The following SIPA1L1 variants were observed in gnomAD, a reference collection of about 807,000 sequenced individuals.
The protein encoded by SIPA1L1 is signal-induced proliferation-associated 1-like protein 1.
A neutral mutation model predicts 162.7 loss-of-function variants in SIPA1L1; 26 were observed. That is an observed-to-expected ratio of 0.16 (90% confidence interval 0.12 to 0.22). SIPA1L1 has a LOEUF of 0.22. Ranked by LOEUF, SIPA1L1 falls within the 10% of genes least tolerant of loss-of-function variation. SIPA1L1 has a pLI of 1.00. For missense variants in SIPA1L1, 1,874 were observed against 2,241.0 expected, an observed-to-expected ratio of 0.84 and a Z score of 3.31; for synonymous variants, 829 against 837.4, an observed-to-expected ratio of 0.99 and a Z score of 0.17.
At chr14:71,438,392 C>T (rs1456906345) in intron 2 of SIPA1L1, among the ~76,000 whole-genome samples, 1 of 152,118 alleles carries the variant, frequency 6.6e-6, no homozygotes, top group African/African-American at 2.4e-5. Context: ...GCTCTTGTTC[C>T]CACTCCTGAC....
At chr14:71,434,563 A>C (rs555551255) in intron 2 of SIPA1L1, among the ~76,000 whole-genome samples, 1 of 152,116 alleles carries the variant, frequency 6.6e-6, no homozygotes, top group Non-Finnish European at 1.5e-5. Flanking sequence ...GCCACATTTC[A>C]TTTATACGTA....
rs141999588 is a variant in SIPA1L1, at chr14:71,542,665, C to CCCT, written c.-303+13311_-303+13313dup. Among the ~76,000 whole-genome samples, 58 of 101,016 alleles carry CCCT rather than the reference C, an allele frequency of 5.7e-4. 1 individual carries two copies. Among genetic ancestry groups the CCCT allele is most frequent in the African/African-American group, 1.2e-3 (34 of 27,682 alleles). The allele number at this position is 101,016 out of a possible 152,430, so 66.3% of individuals were successfully genotyped here. A position where few individuals can be genotyped will look rare whatever the true frequency, so the allele number is the denominator to read the frequency against. ...ACTTCTTTCTTCCCCTCCTCCTCCT[C>CCCT]CCTCCTCCTCCTCCTCCTTCCTTCT... On this transcript the variant is annotated intron_variant, in intron 4 of 23. Transcript: ENST00000381232.
rs1428777495 is a variant in SIPA1L1, at chr14:71,698,991, G to T, written c.3385G>T (p.Gly1129Cys). 5.6e-6 allele frequency: 9 copies of T among 1,614,082 alleles called. No individual in the cohort carries two copies. The African/African-American group carries it at 1.1e-4, about 19-fold the overall frequency. Reference sequence around the variant, plus strand: ...GTATTGCACATGCAGGCTGTCTCCTGGTTCGGACATCTATGTGACGGTCTC... The same window carrying T: ...GTATTGCACATGCAGGCTGTCTCCTTGTTCGGACATCTATGTGACGGTCTC... The part of the protein sequence containing the change: ...GRPLERRLSP[G>C]SDIYVTVSSM... The change falls in exon 14 of 24, where the codon GGT becomes TGT. Residue 1129 changes from glycine to cysteine, a missense_variant. Transcript: ENST00000381232.
chr14:71,559,516 A>C (rs1033293731), intron 4 of SIPA1L1, among the ~76,000 whole-genome samples: 15 of 152,198 alleles, frequency 9.9e-5, no homozygotes, highest in African/African-American at 3.6e-4. Context: ...AAATATTGTC[A>C]AGCATTCATG....
intron 2 of SIPA1L1, among the ~76,000 whole-genome samples, chr14:71,502,061 A>G (rs1021199977): frequency 6.9e-6 from 1 of 145,198 alleles, no homozygotes; most frequent in African/African-American, 2.5e-5. Flanking sequence ...AAAAATCTTC[A>G]TTGAACATAG....
intron 2 of SIPA1L1, among the ~76,000 whole-genome samples, chr14:71,433,553 G>T (rs2044159918): frequency 6.6e-6 from 1 of 152,152 alleles, no homozygotes; most frequent in Non-Finnish European, 1.5e-5. Context: ...TTGAGCTCAA[G>T]GGATCCTGCC....
At position 71,740,302 on chromosome 14, in the gene SIPA1L1, T is replaced by C. The variant is rs529808871; in HGVS notation, c.*1141T>C. ...TCAGCACGGCATTTTCTGCATCCTTTCATGGCCATCCAAAGGATTCCGCTG... is the reference window on the plus strand; with the variant it reads ...TCAGCACGGCATTTTCTGCATCCTTCCATGGCCATCCAAAGGATTCCGCTG... On this transcript the variant is annotated 3_prime_UTR_variant, in exon 24 of 24. Coordinates refer to ENST00000381232, the MANE Select transcript of SIPA1L1 (RefSeq NM_001386936.1). The C allele has an allele frequency of 2.6e-5, 4 of 152,362 alleles. No homozygotes were observed. Among genetic ancestry groups the C allele is most frequent in the African/African-American group, 7.2e-5 (3 of 41,578 alleles). The allele number at this position is 152,362 out of a possible 1,614,324, so 9.4% of individuals were successfully genotyped here.
chr14:71,388,685 A>G (rs762552904), intron 2 of SIPA1L1, among the ~76,000 whole-genome samples: 7 of 152,246 alleles, frequency 4.6e-5, no homozygotes, highest in Non-Finnish European at 1.0e-4. Context: ...GCTTAAATAC[A>G]CGATTGCATG....
intron 4 of SIPA1L1, among the ~76,000 whole-genome samples, chr14:71,533,264 T>G (rs533032742): frequency 6.6e-6 from 1 of 152,370 alleles, no homozygotes; most frequent in South Asian, 2.1e-4. Flanking sequence ...AACAAGACTT[T>G]AATTATATTC....
At chr14:71,532,365 T>C (rs528919244) in intron 4 of SIPA1L1, among the ~76,000 whole-genome samples, 133 of 152,350 alleles carry the variant, frequency 8.7e-4, no homozygotes, top group African/African-American at 3.0e-3. Flanking sequence ...CTTTCTTATA[T>C]ATGAAAGGAC....
At position 71,491,771 on chromosome 14, in the gene SIPA1L1, C is replaced by CACACACACACACACAT. The variant is rs1205918539; in HGVS notation, c.-464-20957_-464-20956insTACACACACACACACA. Among the ~76,000 whole-genome samples, 17 of 143,788 alleles carry CACACACACACACACAT rather than the reference C, an allele frequency of 1.2e-4. 1 individual carries two copies. Among genetic ancestry groups the CACACACACACACACAT allele is most frequent in the Admixed American group, 8.2e-4 (12 of 14,566 alleles). The allele number at this position is 143,788 out of a possible 152,430, so 94.3% of individuals were successfully genotyped here. On this transcript the variant is annotated intron_variant, in intron 2 of 23. Coordinates refer to ENST00000381232, the MANE Select transcript of SIPA1L1 (RefSeq NM_001386936.1). ...TAATGTTTTATTTCAAACACACACACACACACACACACACACACACACACA... is the reference window on the plus strand; with the variant it reads ...TAATGTTTTATTTCAAACACACACACACACACACACACACATACACACACACACACACACACACACA...
chr14:71,528,687 T>A (rs2053139504), intron 3 of SIPA1L1: 1 of 152,134 alleles, frequency 6.6e-6, no homozygotes, highest in African/African-American at 2.4e-5. Context: ...TTTTTTCCCC[T>A]TTTTGTTTCA....
Position 71,730,107 on chromosome 14 carries a change from G to C in SIPA1L1, c.4667G>C (p.Arg1556Pro). The change falls in exon 20 of 24, where the codon CGG (arginine) becomes CCG (proline). Residue 1556 changes from arginine to proline, a missense_variant. Coordinates refer to ENST00000381232, the MANE Select transcript of SIPA1L1 (RefSeq NM_001386936.1). ...CCTTTCCCCAGCACCCCCACCTCAC[G>C]GCGGGCCTTGCACAGAACACTGTCG... ...QSPFPSTPTS[R>P]RALHRTLSDE... 2 of 1,614,078 alleles carry C rather than the reference G, an allele frequency of 1.2e-6. No homozygotes were observed. Among genetic ancestry groups the C allele is most frequent in the Non-Finnish European group, 1.7e-6 (2 of 1,180,014 alleles).
At chr14:71,603,955 A>T (rs900129685) in intron 5 of SIPA1L1, among the ~76,000 whole-genome samples, 2 of 145,256 alleles carry the variant, frequency 1.4e-5, no homozygotes, top group Non-Finnish European at 3.0e-5. Context: ...ATATATTTAT[A>T]TATATTTATA....
chr14:71,516,163 C>T (rs960687701), intron 3 of SIPA1L1, among the ~76,000 whole-genome samples: 4 of 152,158 alleles, frequency 2.6e-5, no homozygotes, highest in Admixed American at 1.3e-4. Flanking sequence ...TGAAATCAGA[C>T]GCATCATGGA....
intron 4 of SIPA1L1, among the ~76,000 whole-genome samples, chr14:71,559,724 C>G (rs776933319): frequency 6.6e-6 from 1 of 152,138 alleles, no homozygotes; most frequent in Non-Finnish European, 1.5e-5. Context: ...AAAAACTTTT[C>G]TGCATTTTTT....
At chr14:71,536,332 C>T (rs1292244789) in intron 4 of SIPA1L1, among the ~76,000 whole-genome samples, 1 of 152,138 alleles carries the variant, frequency 6.6e-6, no homozygotes, top group Admixed American at 6.5e-5. Flanking sequence ...TTTTAAGTGT[C>T]TATGCTTAAC....
intron 5 of SIPA1L1, among the ~76,000 whole-genome samples, chr14:71,600,063 G>T (rs964217597): frequency 2.6e-5 from 4 of 152,014 alleles, no homozygotes; most frequent in African/African-American, 9.7e-5. Context: ...TAAACTCATG[G>T]TTTCTTCACT....
At chr14:71,322,087 C>T (rs2033099014) in intron 2 of SIPA1L1, among the ~76,000 whole-genome samples, 1 of 152,194 alleles carries the variant, frequency 6.6e-6, no homozygotes, top group Non-Finnish European at 1.5e-5. Flanking sequence ...AAACTGGAGC[C>T]AGCGATGTGA....
Sources: allele counts gnomAD v4.1 joint callset (sites outside exome capture counted in the v4.1 genomes callset), GRCh38; gene constraint gnomAD v4.1.1; transcripts MANE v1.5; gene names NCBI Gene and HGNC (gene_info 2026-07-23, HGNC 2026-07-21).